SCGB2B2: variants seen among roughly 807,000 people sequenced by gnomAD.
SCGB2B2 encodes secretoglobin-like protein.
In SCGB2B2, 11 loss-of-function variants were observed where a neutral mutation model predicts 7.6. The observed-to-expected ratio is 1.45, with a 90% confidence interval of 0.91 to 2.40. The LOEUF is 2.40. Among genes scored for constraint, SCGB2B2 ranks in the 30% most tolerant of loss-of-function variants. The pLI is 0.00. For synonymous variants in SCGB2B2, 50 were observed against 48.6 expected (o/e 1.03, Z -0.12); for missense variants, 104 against 115.4 (o/e 0.90, Z 0.45).
At chr19:34,602,356 T>C (rs1232632024) in intron 1 of SCGB2B2, among the ~76,000 whole-genome samples, 1 of 152,222 alleles carries the variant, frequency 6.6e-6, no homozygotes, top group Non-Finnish European at 1.5e-5. Context: ...ATATATTGTG[T>C]GGAACATTTT....
intron 1 of SCGB2B2, among the ~76,000 whole-genome samples, chr19:34,670,143 T>C (rs913947885): frequency 2.6e-5 from 4 of 152,164 alleles, no homozygotes; most frequent in African/African-American, 9.7e-5. Context: ...GTTGGTTGTA[T>C]ATGAGACAGG....
At chr19:34,674,196 A>G (rs2067867721) in intron 1 of SCGB2B2, among the ~76,000 whole-genome samples, 2 of 152,198 alleles carry the variant, frequency 1.3e-5, no homozygotes, top group South Asian at 4.1e-4. Context: ...ATCCCTATGT[A>G]AGCTTTTCTG....
chr19:34,669,121 G>A (rs1484052839), intron 1 of SCGB2B2, among the ~76,000 whole-genome samples: 1 of 152,100 alleles, frequency 6.6e-6, no homozygotes, highest in Non-Finnish European at 1.5e-5. Context: ...CCCACCAGGA[G>A]GAACTAACAA....
chr19:34,656,632 T>C (rs545422749), intron 1 of SCGB2B2, among the ~76,000 whole-genome samples: 2 of 151,226 alleles, frequency 1.3e-5, no homozygotes, highest in South Asian at 2.1e-4. Context: ...TCTTAGAAAA[T>C]AGAAGTAGCA....
At chr19:34,596,806 G>A (rs1019233773) in intron 1 of SCGB2B2, among the ~76,000 whole-genome samples, 1 of 152,098 alleles carries the variant, frequency 6.6e-6, no homozygotes, top group East Asian at 2.0e-4. Flanking sequence ...GGGCCGCAGT[G>A]GGGCTGAGCA....
chr19:34,620,475 C>A (rs986373789), intron 1 of SCGB2B2, among the ~76,000 whole-genome samples: 4 of 124,278 alleles, frequency 3.2e-5, no homozygotes, highest in Non-Finnish European at 4.6e-5. Flanking sequence ...GGGAATTGAA[C>A]AATGAGAACA....
intron 1 of SCGB2B2, among the ~76,000 whole-genome samples, chr19:34,669,125 C>T (rs552572390): frequency 5.3e-4 from 81 of 152,242 alleles, no homozygotes; most frequent in African/African-American, 1.7e-3. Context: ...CCAGGAGGAA[C>T]TAACAACTCC....
intron 1 of SCGB2B2, among the ~76,000 whole-genome samples, chr19:34,658,219 TA>T (rs2067336284): frequency 6.6e-6 from 1 of 151,998 alleles, no homozygotes; most frequent in South Asian, 2.1e-4. Context: ...ATTCAAAGAC[TA>T]GCAGAATGCA....
At chr19:34,639,434 G>T (rs1479339450) in intron 1 of SCGB2B2, among the ~76,000 whole-genome samples, 1 of 152,184 alleles carries the variant, frequency 6.6e-6, no homozygotes, top group African/African-American at 2.4e-5. Context: ...TGCAAAAGAT[G>T]TATTATGCTT....
chr19:34,628,857 G>A (rs142837972), intron 1 of SCGB2B2, among the ~76,000 whole-genome samples: 6 of 152,076 alleles, frequency 3.9e-5, no homozygotes, highest in African/African-American at 1.4e-4. Context: ...GAACATCGAT[G>A]CAAAAGTTCT....
At chr19:34,597,635 T>A (rs2065496932) in intron 1 of SCGB2B2, among the ~76,000 whole-genome samples, 1 of 152,200 alleles carries the variant, frequency 6.6e-6, no homozygotes, top group African/African-American at 2.4e-5. Flanking sequence ...GGGCAGCAGA[T>A]GCAGCCAGCC....
Position 34,592,746 on chromosome 19 carries a change from C to G in SCGB2B2, c.*809G>C, listed in dbSNP as rs1356987889. Reference sequence around the variant, plus strand: ...TTCCCTGTGACCTCAATGTCAATGTCCCCTGTCATGGTGACATGGCCACAC... The same window carrying G: ...TTCCCTGTGACCTCAATGTCAATGTGCCCTGTCATGGTGACATGGCCACAC... On this transcript the variant is annotated 3_prime_UTR_variant, in exon 4 of 4. Transcript: ENST00000601241. Among the ~76,000 whole-genome samples the G allele has an allele frequency of 6.6e-6, 1 of 152,152 alleles. No individual in the cohort carries two copies. Among genetic ancestry groups the G allele is most frequent in the African/African-American group, 2.4e-5 (1 of 41,418 alleles).
intron 2 of SCGB2B2, 54 bp downstream of exon 2, chr19:34,594,449 G>A: frequency 1.2e-6 from 2 of 1,603,162 alleles, no homozygotes; most frequent in Non-Finnish European, 1.7e-6. Context: ...ATGGTGATGA[G>A]AGTGAAGGAG....
At chr19:34,602,520 G>T (rs2065655330) in intron 1 of SCGB2B2, among the ~76,000 whole-genome samples, 1 of 152,070 alleles carries the variant, frequency 6.6e-6, no homozygotes, top group African/African-American at 2.4e-5. Context: ...GCCTTTTCTG[G>T]ATTGCATCAT....
At chr19:34,653,491 G>T (rs2067211977) in intron 1 of SCGB2B2, among the ~76,000 whole-genome samples, 1 of 150,708 alleles carries the variant, frequency 6.6e-6, no homozygotes, top group Non-Finnish European at 1.5e-5. Flanking sequence ...AATTATTACT[G>T]CATCCATTTA....
chr19:34,604,667 C>T (rs1412675949), intron 1 of SCGB2B2, among the ~76,000 whole-genome samples: 1 of 152,120 alleles, frequency 6.6e-6, no homozygotes, highest in Non-Finnish European at 1.5e-5. Context: ...GCATTGAGAT[C>T]AAATTATATC....
At chr19:34,623,008 T>C (rs112039298) in intron 1 of SCGB2B2, among the ~76,000 whole-genome samples, 4,127 of 151,988 alleles carry the variant, frequency 0.027, 192 homozygotes, top group African/African-American at 0.093. Context: ...AATATACGCA[T>C]TTGAAAGAGT....
At chr19:34,613,223 T>A (rs1295458068) in intron 1 of SCGB2B2, among the ~76,000 whole-genome samples, 2 of 152,026 alleles carry the variant, frequency 1.3e-5, no homozygotes, top group Admixed American at 1.3e-4. Flanking sequence ...CTTAGCCTCC[T>A]GAGCAGCTGG....
intron 1 of SCGB2B2, among the ~76,000 whole-genome samples, chr19:34,630,107 T>G (rs1237661689): frequency 6.6e-6 from 1 of 151,820 alleles, no homozygotes. Context: ...TAAACAAAAA[T>G]TAATTCAAGA....
Sources: allele counts gnomAD v4.1 joint callset (sites outside exome capture counted in the v4.1 genomes callset), GRCh38; gene constraint gnomAD v4.1.1; transcripts MANE v1.5; gene names NCBI Gene and HGNC (gene_info 2026-07-23, HGNC 2026-07-21).